The following RTKN2 variants were observed in gnomAD, a reference collection of about 807,000 sequenced individuals.
RTKN2 encodes rhotekin 2, also known as rhotekin-2.
Under a neutral mutation model 71.5 loss-of-function variants are expected in RTKN2, and 69 were observed. That is an observed-to-expected ratio of 0.96 (90% CI 0.79 to 1.18). RTKN2 has a LOEUF of 1.18. Among genes scored for constraint, RTKN2 ranks in the 50% most tolerant of loss-of-function variants. The pLI, the probability that RTKN2 is intolerant of heterozygous loss-of-function variation, is 0.00. For missense variants in RTKN2, 724 were observed against 719.7 expected (o/e 1.01, Z -0.07); for synonymous variants, 236 against 236.5 (o/e 1.00, Z 0.02).
Position 62,264,619 on chromosome 10 carries a change from C to T in RTKN2, c.61-1798G>A, listed in dbSNP as rs144967558. Among the ~76,000 whole-genome samples the T allele has an allele frequency of 2.7e-3, 409 of 152,238 alleles. 1 individual carries two copies. Among genetic ancestry groups the T allele is most frequent in the Non-Finnish European group, 3.4e-3 (232 of 68,014 alleles). On this transcript the variant is annotated intron_variant, in intron 1 of 11. Transcript: ENST00000373789. Reference sequence around the variant, plus strand: ...CCTAAAGCTGGGATGAATAGCTTTACCCCACAACTCAAATATAAACAAATA... The same window carrying T: ...CCTAAAGCTGGGATGAATAGCTTTATCCCACAACTCAAATATAAACAAATA...
chr10:62,195,178 C>T lies in RTKN2; in HGVS notation c.*2730G>A. On this transcript the variant is annotated 3_prime_UTR_variant, in exon 12 of 12. Coordinates refer to ENST00000373789, the MANE Select transcript of RTKN2 (RefSeq NM_145307.4). ...ATTGTCTAAGACATTATCTTTAGAT[C>T]ATCAGAATTATCATATCATAAAATA... 1 of 975,736 alleles carries T rather than the reference C, an allele frequency of 1.0e-6. No homozygotes were observed. The highest frequency in any genetic ancestry group is 1.2e-6 in the Non-Finnish European group (1 of 821,222). 60.4% of individuals were successfully genotyped at this position (975,736 alleles called of 1,614,324 possible). A position where few individuals can be genotyped will look rare whatever the true frequency, so the allele number is the denominator to read the frequency against.
intron 9 of RTKN2, among the ~76,000 whole-genome samples, chr10:62,214,031 TAGA>T (rs1195685706): frequency 6.6e-6 from 1 of 151,866 alleles, no homozygotes; most frequent in Non-Finnish European, 1.5e-5. Context: ...AAGCCTGAAG[TAGA>T]AGAACTACAA....
At chr10:62,258,860 AC>A (rs1304219761) in intron 2 of RTKN2, among the ~76,000 whole-genome samples, 1 of 152,126 alleles carries the variant, frequency 6.6e-6, no homozygotes, top group Non-Finnish European at 1.5e-5. Flanking sequence ...TCTTTTTTGG[AC>A]GGAGTGGGAG....
chr10:62,187,482 T>C (rs1841155722), intron 8 of RTKN2, among the ~76,000 whole-genome samples: 1 of 152,150 alleles, frequency 6.6e-6, no homozygotes, highest in Non-Finnish European at 1.5e-5. Context: ...TTTTGTGTAC[T>C]GAAGAGAATT....
chr10:62,214,359 T>C (rs919337022), intron 9 of RTKN2, among the ~76,000 whole-genome samples: 1 of 152,132 alleles, frequency 6.6e-6, no homozygotes, highest in African/African-American at 2.4e-5. Flanking sequence ...AGGCTAAATC[T>C]ATACAAATTA....
intron 10 of RTKN2, among the ~76,000 whole-genome samples, chr10:62,202,267 G>A (rs7090884): frequency 0.49 from 74,236 of 151,822 alleles, 18,445 homozygotes; most frequent in East Asian, 0.61. Context: ...ATCTACTTCC[G>A]TAAGTGTTTC....
At chr10:62,264,492 T>C (rs1365672000) in intron 1 of RTKN2, among the ~76,000 whole-genome samples, 2 of 152,214 alleles carry the variant, frequency 1.3e-5, no homozygotes, top group Non-Finnish European at 2.9e-5. Context: ...TCTTCTTCAA[T>C]GTAATTAGCA....
chr10:62,216,657 T>A (rs10740066), intron 9 of RTKN2, among the ~76,000 whole-genome samples: 114,921 of 151,490 alleles, frequency 0.76, 43,663 homozygotes, highest in East Asian at 0.9. Flanking sequence ...CTATTCTAAA[T>A]GGACTGTCAG....
Position 62,232,045 on chromosome 10 carries a change from T to C in RTKN2, c.686+4021A>G, listed in dbSNP as rs186585882. On this transcript the variant is annotated intron_variant, in intron 6 of 11. Coordinates refer to ENST00000373789, the MANE Select transcript of RTKN2 (RefSeq NM_145307.4). ...TTACAAGGACATGATTTGTGAAATG[T>C]TGTAAAAGGTTTTATTGTATCTTTT... is the stretch of plus-strand genomic sequence containing the variant. Among the ~76,000 whole-genome samples the C allele has an allele frequency of 7.2e-5, 11 of 152,290 alleles. 1 individual carries two copies. The highest frequency in any genetic ancestry group is 5.9e-4 in the Admixed American group (9 of 15,298).
chr10:62,248,861 A>G (rs1483424044), intron 2 of RTKN2, among the ~76,000 whole-genome samples: 2 of 152,194 alleles, frequency 1.3e-5, no homozygotes. Context: ...AAATAGCCCA[A>G]TGATGAAAGC....
At chr10:62,189,821 T>C (rs1367492499), downstream of RTKN2, among the ~76,000 whole-genome samples, 1 of 151,564 alleles carries the variant, frequency 6.6e-6, no homozygotes, top group African/African-American at 2.4e-5. Flanking sequence ...AGAGATTTTT[T>C]TTTTTTCTTA....
chr10:62,230,496 T>C (rs1842126055), intron 6 of RTKN2, among the ~76,000 whole-genome samples: 1 of 152,132 alleles, frequency 6.6e-6, no homozygotes, highest in African/African-American at 2.4e-5. Context: ...TCTAACCAAA[T>C]GATTAATGTG....
chr10:62,259,793 C>G (rs1293911685), intron 2 of RTKN2, among the ~76,000 whole-genome samples: 1 of 152,172 alleles, frequency 6.6e-6, no homozygotes. Context: ...CTCAAGCAAT[C>G]TGACCACCTT....
chr10:62,266,538 G>A (rs941988793), intron 1 of RTKN2, among the ~76,000 whole-genome samples: 2 of 69,912 alleles, frequency 2.9e-5, no homozygotes, highest in Non-Finnish European at 6.7e-5. Flanking sequence ...CCATTCTGGG[G>A]AATGGAACTG....
In RTKN2 at chr10:62,262,837, A is replaced by G. The variant is rs1418651049; in HGVS notation, c.61-16T>C. 1.9e-6 allele frequency: 3 copies of G among 1,571,402 alleles called. No homozygotes were observed. The highest frequency in any genetic ancestry group is 2.6e-6 in the Non-Finnish European group (3 of 1,154,640). On this transcript the variant is annotated splice_polypyrimidine_tract_variant and intron_variant, in intron 1 of 11. Transcript: ENST00000373789. Reference sequence around the variant, plus strand: ...TGTTGCAGTCCTAAAAAAAAAATGCATCTTGAAAATATAGCAAAAACCCAA... The same window carrying G: ...TGTTGCAGTCCTAAAAAAAAAATGCGTCTTGAAAATATAGCAAAAACCCAA...
chr10:62,228,501 G>A (rs1186782719), intron 6 of RTKN2, among the ~76,000 whole-genome samples: 1 of 152,134 alleles, frequency 6.6e-6, no homozygotes, highest in South Asian at 2.1e-4. Flanking sequence ...GTTCAATAGA[G>A]AATGGCAGAA....
At chr10:62,191,382 C>A (rs1329709682), downstream of RTKN2, among the ~76,000 whole-genome samples, 1 of 152,152 alleles carries the variant, frequency 6.6e-6, no homozygotes, top group African/African-American at 2.4e-5. Flanking sequence ...TGGGCTCCAG[C>A]AATCTGCCTG....
rs1222937583 is a variant in RTKN2, at chr10:62,268,555, T to G, written c.56A>C (p.Gln19Pro). ...AGGGTCCCTCCCGCAACTCACCTGC[T>G]GGGTGGGAAGCCCCGCCAGGCGGAG... ...PALRLAGLPT[Q>P]QDCNIQEKID... is the part of the protein sequence containing the mutation. The change falls in exon 1 of 12, where the codon CAG (glutamine) becomes CCG (proline). Residue 19 changes from glutamine (Q) to proline (P), a missense_variant. By Grantham distance (76) the Gln-to-Pro change is moderately conservative. Transcript: ENST00000373789. The G allele has an allele frequency of 6.4e-7, 1 of 1,559,522 alleles. No homozygotes were observed. Among genetic ancestry groups the G allele is most frequent in the Non-Finnish European group, 8.7e-7 (1 of 1,151,644 alleles).
rs1200796967 is a variant in RTKN2, at chr10:62,208,780, G to A, written c.1021-3758C>T. ...TAGCTGATGAAGTAGAGGCATTCCA[G>A]CTATAACGAATGTAAAAATACTACC... On this transcript the variant is annotated intron_variant, in intron 9 of 11. Coordinates refer to ENST00000373789, the MANE Select transcript of RTKN2 (RefSeq NM_145307.4). Among the ~76,000 whole-genome samples, 4 of 152,214 alleles carry A rather than the reference G, an allele frequency of 2.6e-5. No homozygotes were observed. The East Asian group carries it at 5.8e-4, about 22-fold the overall frequency.
Sources: allele counts gnomAD v4.1 joint callset (sites outside exome capture counted in the v4.1 genomes callset), GRCh38; gene constraint gnomAD v4.1.1; transcripts MANE v1.5; gene names NCBI Gene and HGNC (gene_info 2026-07-23, HGNC 2026-07-21).